Variants in STUM observed in about 807,000 individuals in gnomAD.
The protein encoded by STUM is protein stum homolog.
A neutral mutation model predicts 15.3 loss-of-function variants in STUM; 8 were observed. That is an observed-to-expected ratio of 0.52 (90% CI 0.31 to 0.94). STUM has a LOEUF of 0.94. Among genes scored for constraint, STUM ranks in the 40% least tolerant of loss-of-function variants. STUM has a pLI of 0.05. For missense variants in STUM, 142 were observed against 204.9 expected (o/e 0.69, Z 1.87); for synonymous variants, 78 against 88.7 (o/e 0.88, Z 0.68).
chr1:226,550,954 A>G (rs2102683306), intron 1 of STUM, among the ~76,000 whole-genome samples: 1 of 152,318 alleles, frequency 6.6e-6, no homozygotes, highest in South Asian at 2.1e-4. Flanking sequence ...ACAAACAAAC[A>G]AAACAAACCA....
intron 1 of STUM, among the ~76,000 whole-genome samples, chr1:226,579,633 T>C (rs1388167317): frequency 1.4e-5 from 1 of 73,334 alleles, no homozygotes; most frequent in African/African-American, 6.7e-5. Context: ...TATTTCTTTT[T>C]CTTTTTCTTT....
intron 3 of STUM, among the ~76,000 whole-genome samples, chr1:226,601,560 G>A (rs1448614742): frequency 1.3e-5 from 2 of 152,276 alleles, no homozygotes; most frequent in South Asian, 2.1e-4. Context: ...CAGGTTGGAC[G>A]CACACAGGGA....
chr1:226,605,057 A>G lies in STUM; in HGVS notation c.*3017A>G, dbSNP rs1321922943. ...GAGCTCTGAGTCAGTTTCAGAACCA[A>G]GGATCTCAGGCTGAGAAGGCCAGGT... On this transcript the variant is annotated 3_prime_UTR_variant, in exon 4 of 4. Coordinates refer to ENST00000366788, the MANE Select transcript of STUM (RefSeq NM_001003665.4). The surrounding 1 kb of genome is among the most constrained non-coding windows in gnomAD (Gnocchi z 4.0). 2 of 152,284 alleles carry G rather than the reference A, an allele frequency of 1.3e-5. No individual in the cohort carries two copies. Among genetic ancestry groups the G allele is most frequent in the African/African-American group, 4.8e-5 (2 of 41,434 alleles). 9.4% of individuals were successfully genotyped at this position (152,284 alleles called of 1,614,324 possible). A position where few individuals can be genotyped will look rare whatever the true frequency, so the allele number is the denominator to read the frequency against.
rs12137750 is a variant in STUM, at chr1:226,550,207, T to C, written c.202+1101T>C. On this transcript the variant is annotated intron_variant, in intron 1 of 3. Transcript: ENST00000366788. ...AGTTTGACTTTGGCCTTTCTCACGG[T>C]CTCCTCGCTCTTCGCCTGCTTAGCA... 6.5e-3 allele frequency among the ~76,000 whole-genome samples: 994 copies of C among 152,212 alleles called. 2 individuals are homozygous for C. Among genetic ancestry groups the C allele is most frequent in the Non-Finnish European group, 0.011 (763 of 68,016 alleles).
At chr1:226,569,027 C>G (rs1003803088) in intron 1 of STUM, among the ~76,000 whole-genome samples, 2 of 151,956 alleles carry the variant, frequency 1.3e-5, no homozygotes, top group South Asian at 4.1e-4. Flanking sequence ...CACGTGCATG[C>G]TTCCCCAAGT....
In STUM at chr1:226,603,388, A is replaced by G. The variant is rs1402977304; in HGVS notation, c.*1348A>G. On this transcript the variant is annotated 3_prime_UTR_variant, in exon 4 of 4. Coordinates refer to ENST00000366788, the MANE Select transcript of STUM (RefSeq NM_001003665.4). ...GATCAAGTATCAATCTGAAATTAAG[A>G]GAAATTAGATACTAAGAGGATGGAC... The G allele has an allele frequency of 6.6e-6, 1 of 152,242 alleles. No individual in the cohort carries two copies. Among genetic ancestry groups the G allele is most frequent in the Non-Finnish European group, 1.5e-5 (1 of 68,050 alleles). 9.4% of individuals were successfully genotyped at this position (152,242 alleles called of 1,614,324 possible).
In STUM at chr1:226,595,277, C is replaced by T. The variant is rs1053638872; in HGVS notation, c.203-1525C>T. On this transcript the variant is annotated intron_variant, in intron 1 of 3. Coordinates refer to ENST00000366788, the MANE Select transcript of STUM (RefSeq NM_001003665.4). ...GAAAGGAAGCAAAGAGGACATTCCC[C>T]TTCCTCTGCCTGTTTGTTCCTGCTA... Among the ~76,000 whole-genome samples the T allele has an allele frequency of 5.9e-5, 9 of 152,190 alleles. 1 individual carries two copies. The South Asian group carries it at 1.9e-3, about 32-fold the overall frequency.
At chr1:226,550,066 G>T (rs1055638732) in intron 1 of STUM, among the ~76,000 whole-genome samples, 1 of 152,134 alleles carries the variant, frequency 6.6e-6, no homozygotes, top group Non-Finnish European at 1.5e-5. Flanking sequence ...GTGCCCGCCC[G>T]AAGAACCAGG....
chr1:226,582,417 A>AC (rs150227174), intron 1 of STUM, among the ~76,000 whole-genome samples: 1,689 of 152,104 alleles, frequency 0.011, 15 homozygotes, highest in African/African-American at 0.014. Flanking sequence ...ACATGGTAAG[A>AC]CCCCATCTGT....
chr1:226,554,437 G>GA (rs1667417318), intron 1 of STUM, among the ~76,000 whole-genome samples: 1 of 152,200 alleles, frequency 6.6e-6, no homozygotes, highest in African/African-American at 2.4e-5. Flanking sequence ...AATAGACCAA[G>GA]AAATAAAAGT....
chr1:226,602,404 G>A lies in STUM; in HGVS notation c.*364G>A, dbSNP rs929656180. The A allele has an allele frequency of 2.9e-5, 8 of 271,590 alleles. No individual in the cohort carries two copies. The highest frequency in any genetic ancestry group is 5.7e-5 in the Non-Finnish European group (8 of 140,212). 16.8% of individuals were successfully genotyped at this position (271,590 alleles called of 1,614,324 possible). A position where few individuals can be genotyped will look rare whatever the true frequency, so the allele number is the denominator to read the frequency against. The stretch of plus-strand genomic sequence containing the variant: ...CGTCTGCTGGGCCGGGCCACACCGG[G>A]CCCTGTCTGGGTGAGCAGGGGCTCA... On this transcript the variant is annotated 3_prime_UTR_variant, in exon 4 of 4. Transcript: ENST00000366788.
chr1:226,600,733 C>T lies in STUM; in HGVS notation c.391+59C>T, dbSNP rs369573117. The T allele has an allele frequency of 1.5e-5, 24 of 1,590,252 alleles. No individual in the cohort carries two copies. The highest frequency in any genetic ancestry group is 3.3e-5 in the Admixed American group (2 of 60,004). ...TGCTGCTTGGGGCCCTCCCCTCCCC[C>T]GAGACCCCCACTCCTGCACACAAAC... On this transcript the variant is annotated intron_variant, in intron 3 of 3. Transcript: ENST00000366788. The surrounding 1 kb of genome is among the most constrained non-coding windows in gnomAD (Gnocchi z 5.2).
chr1:226,589,273 C>T (rs186352349), intron 1 of STUM, among the ~76,000 whole-genome samples: 6 of 152,170 alleles, frequency 3.9e-5, no homozygotes, highest in Non-Finnish European at 7.3e-5. Context: ...GGAGCAGAGC[C>T]GCCCCCTTCC....
In STUM at chr1:226,606,614, T is replaced by C. The variant is rs977980829; in HGVS notation, c.*4574T>C. 5 of 152,184 alleles carry C rather than the reference T, an allele frequency of 3.3e-5. No individual in the cohort carries two copies. Among genetic ancestry groups the C allele is most frequent in the African/African-American group, 1.2e-4 (5 of 41,450 alleles). 9.4% of individuals were successfully genotyped at this position (152,184 alleles called of 1,614,324 possible). On this transcript the variant is annotated 3_prime_UTR_variant, in exon 4 of 4. Transcript: ENST00000366788. ...GCTGGAGGGCTTTTATCAGAGAGATTGGAGGTGGGAGAGCACTTTTAAAGC... is the reference window on the plus strand; with the variant it reads ...GCTGGAGGGCTTTTATCAGAGAGATCGGAGGTGGGAGAGCACTTTTAAAGC...
intron 1 of STUM, among the ~76,000 whole-genome samples, chr1:226,589,518 T>C (rs1412628486): frequency 6.6e-6 from 1 of 152,194 alleles, no homozygotes; most frequent in Non-Finnish European, 1.5e-5. Context: ...TCAGCTCTGC[T>C]TGTGTTTTTG....
intron 1 of STUM, among the ~76,000 whole-genome samples, chr1:226,579,901 G>A (rs764374569): frequency 1.4e-4 from 22 of 152,168 alleles, no homozygotes; most frequent in Non-Finnish European, 2.5e-4. Context: ...TGAGATTACA[G>A]GCGTGAGCCA....
intron 1 of STUM, among the ~76,000 whole-genome samples, chr1:226,550,571 G>A (rs991471876): frequency 2.0e-5 from 3 of 151,728 alleles, no homozygotes; most frequent in African/African-American, 4.8e-5. Context: ...AGATCCTCCT[G>A]AGCCAGCATG....
chr1:226,577,643 C>CTCTTACT (rs1453187008), intron 1 of STUM, among the ~76,000 whole-genome samples: 1 of 152,170 alleles, frequency 6.6e-6, no homozygotes, highest in Non-Finnish European at 1.5e-5. Context: ...GCCCCTCGGG[C>CTCTTACT]CCCAGGGCCA....
At chr1:226,597,606 G>T (rs1668203507) in intron 2 of STUM, among the ~76,000 whole-genome samples, 1 of 152,152 alleles carries the variant, frequency 6.6e-6, no homozygotes. Context: ...AGGGTTCAGG[G>T]GCCCTAGAAT....
Sources: allele counts gnomAD v4.1 joint callset (sites outside exome capture counted in the v4.1 genomes callset), GRCh38; gene constraint gnomAD v4.1.1; non-coding constraint Gnocchi (gnomAD v3.1); transcripts MANE v1.5; gene names NCBI Gene and HGNC (gene_info 2026-07-23, HGNC 2026-07-21).